The following FHIT variants were observed in gnomAD, a reference collection of about 807,000 sequenced individuals.
FHIT encodes the protein bis(5'-adenosyl)-triphosphatase.
Under a neutral mutation model 17.9 loss-of-function variants are expected in FHIT, and 19 were observed. That is an observed-to-expected ratio of 1.06 (90% CI 0.74 to 1.56). The LOEUF is 1.56. Ranked by LOEUF, FHIT falls within the 40% of genes most tolerant of loss-of-function variation. FHIT has a pLI of 0.00. For synonymous variants in FHIT, 81 were observed against 69.7 expected (o/e 1.16, Z -0.81); for missense variants, 248 against 189.2 (o/e 1.31, Z -1.82).
chr3:60,565,038 C>A (rs576638018), intron 4 of FHIT, among the ~76,000 whole-genome samples: 3 of 152,292 alleles, frequency 2.0e-5, no homozygotes, highest in East Asian at 3.9e-4. Context: ...CTTTCAGCAA[C>A]CACCACCATG....
chr3:60,295,736 G>A (rs780845979), intron 5 of FHIT, among the ~76,000 whole-genome samples: 27 of 152,110 alleles, frequency 1.8e-4, no homozygotes, highest in Admixed American at 1.0e-3. Context: ...TGTCTATCAA[G>A]CGTGACTGTA....
intron 3 of FHIT, among the ~76,000 whole-genome samples, chr3:60,981,677 T>C (rs1710502870): frequency 1.3e-5 from 2 of 152,022 alleles, no homozygotes; most frequent in Admixed American, 6.6e-5. Context: ...GATATGATCA[T>C]AGCACACTGT....
At chr3:60,141,137 A>T (rs941175831) in intron 5 of FHIT, among the ~76,000 whole-genome samples, 3 of 152,104 alleles carry the variant, frequency 2.0e-5, no homozygotes, top group Non-Finnish European at 2.9e-5. Context: ...AGCCATTTCG[A>T]GGGGGGATAA....
intron 5 of FHIT, among the ~76,000 whole-genome samples, chr3:60,136,981 A>G (rs962349649): frequency 2.0e-5 from 3 of 152,206 alleles, no homozygotes; most frequent in African/African-American, 7.2e-5. Flanking sequence ...TAATTAGAAT[A>G]AAATATTCAC....
chr3:60,011,297 A>G (rs1330446086), intron 7 of FHIT, 74 bp downstream of exon 7: 19 of 1,388,062 alleles, frequency 1.4e-5, no homozygotes, highest in Non-Finnish European at 2.0e-5. Context: ...TGTGCTGCAT[A>G]TGACTCGTTG....
intron 3 of FHIT, among the ~76,000 whole-genome samples, chr3:61,030,097 T>C (rs1185736771): frequency 6.6e-6 from 1 of 151,936 alleles, no homozygotes; most frequent in East Asian, 1.9e-4. Flanking sequence ...AGCCTCCCGA[T>C]TAGCTGGGAC....
intron 5 of FHIT, among the ~76,000 whole-genome samples, chr3:60,165,854 T>G (rs968180977): frequency 2.6e-5 from 4 of 152,150 alleles, no homozygotes; most frequent in African/African-American, 9.7e-5. Context: ...GTGAACAATT[T>G]CAGGGCTGTG....
chr3:60,535,589 G>GT (rs34970137), intron 5 of FHIT, among the ~76,000 whole-genome samples: 41,353 of 150,272 alleles, frequency 0.28, 5,910 homozygotes, highest in East Asian at 0.35. Context: ...TCATTCTAGT[G>GT]TTTTTTTTTA....
At chr3:60,257,150 C>G (rs141274620) in intron 5 of FHIT, among the ~76,000 whole-genome samples, 11 of 152,250 alleles carry the variant, frequency 7.2e-5, no homozygotes, top group Non-Finnish European at 1.5e-4. Context: ...CCAGTTATAT[C>G]ATCTGCAGCT....
At chr3:60,699,227 C>T (rs947624859) in intron 4 of FHIT, among the ~76,000 whole-genome samples, 2 of 152,154 alleles carry the variant, frequency 1.3e-5, no homozygotes, top group Non-Finnish European at 2.9e-5. Flanking sequence ...CATCCATACA[C>T]ACATCTTTGC....
At chr3:60,419,371 C>T (rs1702387882) in intron 5 of FHIT, among the ~76,000 whole-genome samples, 2 of 152,190 alleles carry the variant, frequency 1.3e-5, no homozygotes, top group South Asian at 4.1e-4. Flanking sequence ...TTTCCTTAGT[C>T]ATTACATTTT....
At chr3:60,486,458 A>G (rs865822457) in intron 5 of FHIT, among the ~76,000 whole-genome samples, 10 of 152,264 alleles carry the variant, frequency 6.6e-5, no homozygotes, top group Middle Eastern at 3.4e-3. Flanking sequence ...CAAAGCTCCT[A>G]ACATCAAACA....
chr3:61,186,058 A>G (rs2038498223), intron 2 of FHIT, among the ~76,000 whole-genome samples: 1 of 152,222 alleles, frequency 6.6e-6, no homozygotes, highest in Admixed American at 6.5e-5. Flanking sequence ...GAACTACATC[A>G]TATTTCACAT....
intron 3 of FHIT, among the ~76,000 whole-genome samples, chr3:60,925,326 A>G (rs932223609): frequency 1.4e-4 from 21 of 152,232 alleles, no homozygotes; most frequent in African/African-American, 5.1e-4. Flanking sequence ...CGGGTTACCC[A>G]CAAAGGGAAG....
rs533717282 is a variant in FHIT at position 60,331,795 on chromosome 3, G to A, written c.103+205065C>T. ...CAGGAGGTGGAAGTTGTGGTGAGCC[G>A]AGATTGCGCCGTTGCACTCCAGCCT... On this transcript the variant is annotated intron_variant, in intron 5 of 9. Transcript: ENST00000492590. Among the ~76,000 whole-genome samples the A allele has an allele frequency of 5.3e-5, 8 of 151,310 alleles. No homozygotes were observed. In the South Asian group the frequency reaches 1.0e-3, roughly 20 times the overall value.
intron 5 of FHIT, among the ~76,000 whole-genome samples, chr3:60,085,406 C>A (rs1703454433): frequency 6.6e-6 from 1 of 152,120 alleles, no homozygotes. Flanking sequence ...TCCCTTTTCA[C>A]TGAAGCATCT....
chr3:60,653,784 C>T (rs2040052323), intron 4 of FHIT, among the ~76,000 whole-genome samples: 1 of 152,120 alleles, frequency 6.6e-6, no homozygotes, highest in Non-Finnish European at 1.5e-5. Context: ...AGTCTACACC[C>T]AAACTATCAA....
At chr3:60,077,694 A>C (rs4093061) in intron 5 of FHIT, among the ~76,000 whole-genome samples, 2,950 of 95,998 alleles carry the variant, frequency 0.031, 130 homozygotes, top group African/African-American at 0.15. Context: ...CTTCACACAC[A>C]CACACACACA....
At chr3:60,560,139 T>C (rs2107641757) in intron 4 of FHIT, among the ~76,000 whole-genome samples, 1 of 152,172 alleles carries the variant, frequency 6.6e-6, no homozygotes, top group African/African-American at 2.4e-5. Context: ...CAATTGTAGG[T>C]TCCATTTGGG....
Sources: gnomAD v4.1 joint callset for allele counts (sites outside exome capture counted in the v4.1 genomes callset) on GRCh38, gnomAD v4.1.1 for gene constraint, MANE v1.5 for transcripts, NCBI Gene and HGNC (gene_info 2026-07-23, HGNC 2026-07-21) for gene names.